Variants in LNPEP observed in about 807,000 individuals in gnomAD.
LNPEP encodes leucyl and cystinyl aminopeptidase.
LNPEP carries 64 observed loss-of-function variants against 120.6 expected under a neutral mutation model. The observed-to-expected ratio is 0.53, with a 90% CI of 0.43 to 0.65. The LOEUF is 0.65. LNPEP is among the 30% of genes least tolerant of loss of function. The pLI is 0.00. For missense variants in LNPEP, 1,057 were observed against 1,200.0 expected, an observed-to-expected ratio of 0.88 and a Z score of 1.76; for synonymous variants, 435 against 425.4, an observed-to-expected ratio of 1.02 and a Z score of -0.28.
chr5:97,003,913 C>CTAAG (rs2112642974), intron 9 of LNPEP, among the ~76,000 whole-genome samples: 1 of 151,970 alleles, frequency 6.6e-6, no homozygotes, highest in Non-Finnish European at 1.5e-5. Flanking sequence ...CTATCCTTAC[C>CTAAG]CTTTTAGTTT....
At chr5:96,942,506 T>G (rs566403476) in intron 1 of LNPEP, 1 of 151,886 alleles carries the variant, frequency 6.6e-6, no homozygotes, top group East Asian at 1.9e-4. Flanking sequence ...ATACAAAAAT[T>G]AGCTGAGTAT....
At chr5:96,992,539 G>T (rs1790413424) in intron 4 of LNPEP, among the ~76,000 whole-genome samples, 1 of 152,106 alleles carries the variant, frequency 6.6e-6, no homozygotes, top group South Asian at 2.1e-4. Flanking sequence ...ATCATAAGAT[G>T]TGACTCCTCA....
Position 96,993,026 on chromosome 5 carries a change from T to C in LNPEP, c.1143T>C (p.Tyr381=). 6.3e-7 allele frequency: 1 copy of C among 1,592,354 alleles called. No homozygotes were observed. Among genetic ancestry groups the C allele is most frequent in the Non-Finnish European group, 8.6e-7 (1 of 1,168,366 alleles). Residue 381 remains tyrosine (Y), a synonymous_variant, in exon 5 of 18, where the codon TAT becomes TAC. Coordinates refer to ENST00000231368, the MANE Select transcript of LNPEP (RefSeq NM_005575.3). ...ATGTTTTCCTTTAGGTTTCTATATA[T>C]GCTGTACCAGAAAAGATTGGTCAAG... ...QDVNGTLVSI[Y]AVPEKIGQVH... is the part of the protein sequence containing the mutation.
intron 1 of LNPEP, among the ~76,000 whole-genome samples, chr5:96,976,270 T>C (rs139613966): frequency 6.6e-6 from 1 of 152,294 alleles, no homozygotes; most frequent in East Asian, 1.9e-4. Flanking sequence ...GCTTCTATAT[T>C]GCACAGTGAA....
At chr5:96,984,839 C>A (rs1188501371) in intron 2 of LNPEP, among the ~76,000 whole-genome samples, 2 of 152,160 alleles carry the variant, frequency 1.3e-5, no homozygotes, top group East Asian at 3.8e-4. Flanking sequence ...CTTATAATAT[C>A]TTCAACCTCT....
chr5:96,995,654 G>A (rs1582013859), intron 6 of LNPEP, among the ~76,000 whole-genome samples: 1 of 151,872 alleles, frequency 6.6e-6, no homozygotes, highest in Non-Finnish European at 1.5e-5. Flanking sequence ...TCATCCTCCC[G>A]AGTAGCTAGG....
chr5:97,036,292 C>T lies in LNPEP; in HGVS notation c.*7759C>T, dbSNP rs1158172129. The T allele has an allele frequency of 1.3e-5, 2 of 152,092 alleles. No individual in the cohort carries two copies. Among genetic ancestry groups the T allele is most frequent in the Non-Finnish European group, 2.9e-5 (2 of 68,018 alleles). 9.4% of individuals were successfully genotyped at this position (152,092 alleles called of 1,614,324 possible). A position where few individuals can be genotyped will look rare whatever the true frequency, so the allele number is the denominator to read the frequency against. On this transcript the variant is annotated 3_prime_UTR_variant, in exon 18 of 18. Coordinates refer to ENST00000231368, the MANE Select transcript of LNPEP (RefSeq NM_005575.3). ...CCCACATGTGGCAAGACAAGTTGGC[C>T]CTTTCTTACCCAGAGGTCTTTTGTG... is the stretch of plus-strand genomic sequence containing the variant.
intron 1 of LNPEP, among the ~76,000 whole-genome samples, chr5:96,970,937 A>G (rs181601416): frequency 6.6e-6 from 1 of 152,098 alleles, no homozygotes; most frequent in East Asian, 1.9e-4. Context: ...TTATTTTAAC[A>G]TGTATTATTT....
intron 1 of LNPEP, among the ~76,000 whole-genome samples, chr5:96,971,561 C>T (rs1458839958): frequency 5.3e-5 from 8 of 151,888 alleles, no homozygotes; most frequent in Non-Finnish European, 7.4e-5. Flanking sequence ...CCCCCAGATC[C>T]CTGATGCTGT....
chr5:96,987,653 C>G (rs1208483632), intron 4 of LNPEP, among the ~76,000 whole-genome samples: 1 of 152,150 alleles, frequency 6.6e-6, no homozygotes, highest in Non-Finnish European at 1.5e-5. Flanking sequence ...TACTGTATGC[C>G]TTTAATGATG....
At chr5:97,013,283 G>A (rs1011641897) in intron 11 of LNPEP, among the ~76,000 whole-genome samples, 2 of 152,086 alleles carry the variant, frequency 1.3e-5, no homozygotes, top group Non-Finnish European at 2.9e-5. Flanking sequence ...GGAGAGGGAA[G>A]CATTTTTTCT....
chr5:96,957,795 G>A (rs1581983905), intron 1 of LNPEP, among the ~76,000 whole-genome samples: 2 of 152,214 alleles, frequency 1.3e-5, no homozygotes, highest in Non-Finnish European at 2.9e-5. Flanking sequence ...GATAATTTGT[G>A]TTGTTTTAAG....
Position 96,954,647 on chromosome 5 carries a change from TACATATATAC to T in LNPEP, c.19+18485_19+18494del, listed in dbSNP as rs1188806394. 1.0e-3 allele frequency among the ~76,000 whole-genome samples: 129 copies of T among 125,258 alleles called. 6 individuals carry two copies. The highest frequency in any genetic ancestry group is 4.3e-3 in the African/African-American group (118 of 27,288). The allele number at this position is 125,258 out of a possible 152,430, so 82.2% of individuals were successfully genotyped here. A position where few individuals can be genotyped will look rare whatever the true frequency, so the allele number is the denominator to read the frequency against. ...ATATATATATACATATATACATATA[TACATATATAC>T]ACATATATACATATATACACATATA... On this transcript the variant is annotated intron_variant, in intron 1 of 17. Transcript: ENST00000231368.
chr5:96,960,064 G>A (rs750726969), intron 1 of LNPEP, among the ~76,000 whole-genome samples: 4 of 148,304 alleles, frequency 2.7e-5, no homozygotes, highest in Non-Finnish European at 5.9e-5. Flanking sequence ...TCAGCCTCCC[G>A]AGTAGCTGGG....
intron 11 of LNPEP, among the ~76,000 whole-genome samples, chr5:97,009,369 C>CT (rs1790870848): frequency 6.6e-6 from 1 of 151,862 alleles, no homozygotes; most frequent in Admixed American, 6.6e-5. Flanking sequence ...GGTATTTCCC[C>CT]CATTGACGGT....
intron 1 of LNPEP, among the ~76,000 whole-genome samples, chr5:96,959,086 C>A (rs985613237): frequency 2.0e-5 from 3 of 152,028 alleles, no homozygotes; most frequent in African/African-American, 7.2e-5. Flanking sequence ...GGCCTCCCAA[C>A]CTCTTCTGCC....
At chr5:96,954,768 A>ATTTTTTTTT (rs1581981619) in intron 1 of LNPEP, among the ~76,000 whole-genome samples, 1 of 36,096 alleles carries the variant, frequency 2.8e-5, no homozygotes, top group Non-Finnish European at 6.1e-5. Context: ...ATATATATAT[A>ATTTTTTTTT]TATATTTTTT....
Position 97,028,492 on chromosome 5 carries a change from T to C in LNPEP, c.3037T>C (p.Trp1013Arg), listed in dbSNP as rs758989573. Reference protein sequence around the residue: ...ALEVIQLNIQWMEKNLKSLTW... With the variant: ...ALEVIQLNIQRMEKNLKSLTW... ...GGAAGTCATTCAGTTGAATATCCAG[T>C]GGATGGAGAAGAACCTCAAAAGTCT... The change falls in exon 18 of 18, where the codon TGG becomes CGG. Residue 1013 changes from tryptophan to arginine, a missense_variant. Trp to Arg is a moderately radical substitution (Grantham distance 101, BLOSUM62 -3). Coordinates refer to ENST00000231368, the MANE Select transcript of LNPEP (RefSeq NM_005575.3). The C allele has an allele frequency of 4.3e-6, 7 of 1,613,972 alleles. No homozygotes were observed. Among genetic ancestry groups the C allele is most frequent in the Middle Eastern group, 1.7e-4 (1 of 6,056 alleles).
Position 97,008,337 on chromosome 5 carries a change from G to GTTTTTTTTTTTTTTTTTTTTTTTTTTTT in LNPEP, c.2035+1826_2035+1853dup, listed in dbSNP as rs781727347. 6.2e-4 allele frequency among the ~76,000 whole-genome samples: 37 copies of GTTTTTTTTTTTTTTTTTTTTTTTTTTTT among 59,840 alleles called. 5 individuals are homozygous for GTTTTTTTTTTTTTTTTTTTTTTTTTTTT. Among genetic ancestry groups the GTTTTTTTTTTTTTTTTTTTTTTTTTTTT allele is most frequent in the Non-Finnish European group, 8.6e-4 (30 of 34,900 alleles). 39.3% of individuals were successfully genotyped at this position (59,840 alleles called of 152,430 possible). ...TTGATTTTTTTGTTTGTTTTTTCTTGTTTTTTTTTTTTTTTTTTTTTTTTT... is the reference window on the plus strand; with the variant it reads ...TTGATTTTTTTGTTTGTTTTTTCTTGTTTTTTTTTTTTTTTTTTTTTTTTTTTTTTTTTTTTTTTTTTTTTTTTTTTTT... On this transcript the variant is annotated intron_variant, in intron 11 of 17. Transcript: ENST00000231368.
Sources: allele counts gnomAD v4.1 joint callset (sites outside exome capture counted in the v4.1 genomes callset), GRCh38; gene constraint gnomAD v4.1.1; transcripts MANE v1.5; gene names NCBI Gene and HGNC (gene_info 2026-07-23, HGNC 2026-07-21).